The following DACH1 variants were observed in gnomAD, a reference collection of about 807,000 sequenced individuals.
DACH1 encodes the protein dachshund homolog 1.
A neutral mutation model predicts 54.2 loss-of-function variants in DACH1; 12 were observed. That is an observed-to-expected ratio of 0.22 (90% CI 0.14 to 0.36). DACH1 has a LOEUF of 0.36. DACH1 is among the 10% of genes least tolerant of loss of function. DACH1 has a pLI of 1.00. For synonymous variants in DACH1, 386 were observed against 366.2 expected (o/e 1.05, Z -0.62); for missense variants, 805 against 929.8 (o/e 0.87, Z 1.75).
intron 1 of DACH1, among the ~76,000 whole-genome samples, chr13:71,834,901 C>T (rs1888723426): frequency 6.6e-6 from 1 of 152,062 alleles, no homozygotes; most frequent in Admixed American, 6.6e-5. Context: ...TGCATTTTTA[C>T]CTCTGCTTTT....
At chr13:71,763,329 G>T (rs1186400749) in intron 1 of DACH1, among the ~76,000 whole-genome samples, 1 of 152,140 alleles carries the variant, frequency 6.6e-6, no homozygotes, top group Non-Finnish European at 1.5e-5. Flanking sequence ...CTGTGCTGTT[G>T]AACAGTTTGC....
rs75409165 is a variant in DACH1, at chr13:71,757,261, C to T, written c.849-75351G>A. On this transcript the variant is annotated intron_variant, in intron 1 of 10. Transcript: ENST00000613252. ...GGATCAAAAGAAAAATTAAGAAAAA[C>T]TGTTTTAATACCCTAAATGCCATAA... Among the ~76,000 whole-genome samples, 492 of 152,092 alleles carry T rather than the reference C, an allele frequency of 3.2e-3. 20 individuals are homozygous for T. The East Asian group carries it at 0.061, about 19-fold the overall frequency.
chr13:71,616,104 T>C (rs909606009), intron 3 of DACH1, among the ~76,000 whole-genome samples: 1 of 152,166 alleles, frequency 6.6e-6, no homozygotes, highest in Non-Finnish European at 1.5e-5. Flanking sequence ...CAAAACCACA[T>C]GGCACCAGAT....
intron 1 of DACH1, among the ~76,000 whole-genome samples, chr13:71,779,219 G>A (rs191693473): frequency 2.9e-4 from 22 of 76,148 alleles, no homozygotes; most frequent in Admixed American, 7.9e-4. Flanking sequence ...ATATATATAC[G>A]TATATACGTA....
chr13:71,840,743 T>C lies in DACH1; in HGVS notation c.848+25179A>G, dbSNP rs1464842253. Among the ~76,000 whole-genome samples, 4 of 152,272 alleles carry C rather than the reference T, an allele frequency of 2.6e-5. No individual in the cohort carries two copies. In the South Asian group the frequency reaches 8.3e-4, roughly 32 times the overall value. Reference sequence around the variant, plus strand: ...ATAAAAATAGAGCAAGGCAGTAAAGTATGTAAAAAGAACTTCTAATGACCA... The same window carrying C: ...ATAAAAATAGAGCAAGGCAGTAAAGCATGTAAAAAGAACTTCTAATGACCA... On this transcript the variant is annotated intron_variant, in intron 1 of 10. Coordinates refer to ENST00000613252, the MANE Select transcript of DACH1 (RefSeq NM_080759.6).
At chr13:71,586,757 G>A (rs1429184507) in intron 3 of DACH1, among the ~76,000 whole-genome samples, 1 of 152,014 alleles carries the variant, frequency 6.6e-6, no homozygotes, top group Non-Finnish European at 1.5e-5. Flanking sequence ...CAAATAGCAT[G>A]ATGAGCCTTC....
At chr13:71,443,042 GAATTATATATAT>G (rs1874143752) in intron 10 of DACH1, among the ~76,000 whole-genome samples, 1 of 147,888 alleles carries the variant, frequency 6.8e-6, no homozygotes, top group Non-Finnish European at 1.5e-5. Flanking sequence ...AGTAGATATT[GAATTATATATAT>G]AATTATATAT....
rs965448566 is a variant in DACH1 at position 71,853,994 on chromosome 13, A to G, written c.848+11928T>C. On this transcript the variant is annotated intron_variant, in intron 1 of 10. Transcript: ENST00000613252. ...ACTGATCAAGAGATTTCCCAAGGGT[A>G]CCTGAAATCACAAACAACTTTTGTG... Among the ~76,000 whole-genome samples the G allele has an allele frequency of 2.6e-5, 4 of 152,216 alleles. No homozygotes were observed. The East Asian group carries it at 7.7e-4, about 29-fold the overall frequency.
chr13:71,481,116 C>T (rs912642130), intron 7 of DACH1, among the ~76,000 whole-genome samples: 2 of 152,194 alleles, frequency 1.3e-5, no homozygotes, highest in Non-Finnish European at 2.9e-5. Context: ...CCAATTAAAA[C>T]TTTAGCTGTA....
At chr13:71,627,940 A>G (rs1030392954) in intron 3 of DACH1, among the ~76,000 whole-genome samples, 1 of 152,048 alleles carries the variant, frequency 6.6e-6, no homozygotes, top group Non-Finnish European at 1.5e-5. Context: ...AATCATAATA[A>G]TAATAGCAAA....
chr13:71,524,022 A>G (rs889463082), intron 6 of DACH1, among the ~76,000 whole-genome samples: 2 of 152,144 alleles, frequency 1.3e-5, no homozygotes, highest in Non-Finnish European at 2.9e-5. Context: ...TGCATTAAAA[A>G]TGTTCGTATT....
At chr13:71,826,754 G>A (rs1888400133) in intron 1 of DACH1, among the ~76,000 whole-genome samples, 1 of 151,982 alleles carries the variant, frequency 6.6e-6, no homozygotes. Context: ...TTCCGAAGTA[G>A]ATCCTTGAGG....
At chr13:71,692,912 A>G (rs1400473287) in intron 1 of DACH1, among the ~76,000 whole-genome samples, 1 of 152,308 alleles carries the variant, frequency 6.6e-6, no homozygotes, top group Non-Finnish European at 1.5e-5. Context: ...TCAACTACAT[A>G]GACAAAATCT....
rs117279881 is a variant in DACH1, at chr13:71,444,511, T to C, written c.2084-3819A>G. On this transcript the variant is annotated intron_variant, in intron 10 of 10. Coordinates refer to ENST00000613252, the MANE Select transcript of DACH1 (RefSeq NM_080759.6). ...AAATTTCATTAACCTAAGTCCTTCA[T>C]AAACTTTATAAAAAGTAATAATTTG... Among the ~76,000 whole-genome samples the C allele has an allele frequency of 7.4e-3, 1,126 of 152,276 alleles. 22 individuals carry two copies. Among genetic ancestry groups the C allele is most frequent in the Non-Finnish European group, 7.3e-3 (498 of 68,014 alleles).
At chr13:71,565,780 C>T (rs564427788) in intron 4 of DACH1, among the ~76,000 whole-genome samples, 1 of 152,298 alleles carries the variant, frequency 6.6e-6, no homozygotes. Context: ...AACAACTTAA[C>T]TTTATTCTCC....
intron 6 of DACH1, among the ~76,000 whole-genome samples, chr13:71,510,952 A>C (rs1001182994): frequency 3.3e-5 from 5 of 152,034 alleles, no homozygotes; most frequent in Non-Finnish European, 7.4e-5. Flanking sequence ...AACCTTAAAG[A>C]GATTGAGTAA....
At chr13:71,592,823 G>T (rs1384119475) in intron 3 of DACH1, among the ~76,000 whole-genome samples, 1 of 152,144 alleles carries the variant, frequency 6.6e-6, no homozygotes, top group Non-Finnish European at 1.5e-5. Flanking sequence ...TAAAGGTAAA[G>T]TATTCATCTT....
At chr13:71,468,385 G>A (rs967334055) in intron 10 of DACH1, among the ~76,000 whole-genome samples, 1 of 152,084 alleles carries the variant, frequency 6.6e-6, no homozygotes, top group African/African-American at 2.4e-5. Context: ...AGGGGTGGGG[G>A]AAACAATGGG....
intron 1 of DACH1, among the ~76,000 whole-genome samples, chr13:71,765,342 ATC>A (rs1885574986): frequency 6.6e-6 from 1 of 152,100 alleles, no homozygotes; most frequent in African/African-American, 2.4e-5. Flanking sequence ...TGTCACGTCC[ATC>A]TGCTTTTCCC....
Sources: allele counts gnomAD v4.1 joint callset (sites outside exome capture counted in the v4.1 genomes callset), GRCh38; gene constraint gnomAD v4.1.1; transcripts MANE v1.5; gene names NCBI Gene and HGNC (gene_info 2026-07-23, HGNC 2026-07-21).